NTM: variants seen among roughly 807,000 people sequenced by gnomAD.
NTM encodes the protein neurotrimin, also known as IgLON family member 2.
A neutral mutation model predicts 42.1 loss-of-function variants in NTM; 13 were observed. The observed-to-expected ratio is 0.31, with a 90% CI of 0.20 to 0.49. The LOEUF is 0.49. Ranked by LOEUF, NTM falls within the 20% of genes least tolerant of loss-of-function variation. The pLI is 0.99. For synonymous variants in NTM, 187 were observed against 179.2 expected (o/e 1.04, Z -0.35); for missense variants, 373 against 452.8 (o/e 0.82, Z 1.60).
rs143883338 is a variant in NTM at position 131,803,602 on chromosome 11, G to A, written c.83-107962G>A. Among the ~76,000 whole-genome samples, 150 of 152,254 alleles carry A rather than the reference G, an allele frequency of 9.9e-4. 5 individuals are homozygous for A. In the East Asian group the frequency reaches 0.02, roughly 21 times the overall value. On this transcript the variant is annotated intron_variant, in intron 1 of 8. Transcript: ENST00000683400. ...TGGGATTACAGGTGTAAGCCACTGCGCCCGGCCATCACTGACTTATTAATT... is the reference window on the plus strand; with the variant it reads ...TGGGATTACAGGTGTAAGCCACTGCACCCGGCCATCACTGACTTATTAATT...
At chr11:131,852,769 A>T (rs1451228069) in intron 1 of NTM, among the ~76,000 whole-genome samples, 2 of 152,046 alleles carry the variant, frequency 1.3e-5, no homozygotes, top group Non-Finnish European at 2.9e-5. Flanking sequence ...CCAACTATTC[A>T]TCTACTCATC....
At chr11:132,037,808 C>A (rs889774514) in intron 2 of NTM, among the ~76,000 whole-genome samples, 1 of 152,228 alleles carries the variant, frequency 6.6e-6, no homozygotes, top group Non-Finnish European at 1.5e-5. Context: ...CTAATTATAA[C>A]ATAGCTGCTA....
At chr11:131,928,080 ATACC>A (rs1444435130) in intron 2 of NTM, among the ~76,000 whole-genome samples, 1 of 152,058 alleles carries the variant, frequency 6.6e-6, no homozygotes, top group African/African-American at 2.4e-5. Context: ...TTATATCTTA[ATACC>A]TACCTGACAG....
chr11:131,787,354 G>GATTATTATTATT (rs149079341), intron 1 of NTM, among the ~76,000 whole-genome samples: 37,274 of 144,242 alleles, frequency 0.26, 5,114 homozygotes, highest in Middle Eastern at 0.32. Context: ...CATAATACAA[G>GATTATTATTATT]ATTATTATTA....
intron 2 of NTM, among the ~76,000 whole-genome samples, chr11:131,975,517 A>G (rs1231898317): frequency 6.6e-6 from 1 of 151,794 alleles, no homozygotes; most frequent in Non-Finnish European, 1.5e-5. Flanking sequence ...TTCTAGATTT[A>G]TAAGCCTTAA....
chr11:132,026,858 C>A (rs77670321), intron 2 of NTM, among the ~76,000 whole-genome samples: 3,256 of 152,258 alleles, frequency 0.021, 44 homozygotes, highest in South Asian at 0.054. Flanking sequence ...ATAAAGAGAG[C>A]AAATAGATGA....
chr11:132,156,961 G>A (rs1260943304), intron 3 of NTM, among the ~76,000 whole-genome samples: 1 of 152,192 alleles, frequency 6.6e-6, no homozygotes, highest in African/African-American at 2.4e-5. Flanking sequence ...TGACCCTCAG[G>A]GTTACAGTGA....
intron 1 of NTM, among the ~76,000 whole-genome samples, chr11:131,794,158 G>T (rs373410943): frequency 6.6e-6 from 1 of 152,104 alleles, no homozygotes; most frequent in African/African-American, 2.4e-5. Context: ...GCCACGGTGC[G>T]TGCTGATCCT....
chr11:131,571,916 T>C (rs558242765), intron 1 of NTM, among the ~76,000 whole-genome samples: 2 of 152,354 alleles, frequency 1.3e-5, no homozygotes, highest in South Asian at 4.1e-4. Flanking sequence ...AAATCTGTCT[T>C]CCAAGATACC....
chr11:131,644,045 G>A (rs1466783152), intron 1 of NTM, among the ~76,000 whole-genome samples: 2 of 152,192 alleles, frequency 1.3e-5, no homozygotes. Flanking sequence ...GTGGTGTCAG[G>A]GGAATGGATT....
rs116777782 is a variant in NTM, at chr11:131,944,541, C to T, written c.167+32893C>T. 3.6e-3 allele frequency among the ~76,000 whole-genome samples: 543 copies of T among 152,214 alleles called. 7 individuals are homozygous for T. Among genetic ancestry groups the T allele is most frequent in the African/African-American group, 0.012 (517 of 41,542 alleles). ...TTTGCCCTTGAAATAAAATTCTGCC[C>T]GCCATTGATATCCAGTAGCTCACTC... On this transcript the variant is annotated intron_variant, in intron 2 of 8. Transcript: ENST00000683400.
chr11:132,202,550 T>C (rs956649939), intron 3 of NTM, among the ~76,000 whole-genome samples: 7 of 152,300 alleles, frequency 4.6e-5, no homozygotes, highest in African/African-American at 1.4e-4. Flanking sequence ...TATGTTTCCA[T>C]GTTAAAAAAT....
At chr11:132,180,646 A>G (rs2077435872) in intron 3 of NTM, among the ~76,000 whole-genome samples, 1 of 152,164 alleles carries the variant, frequency 6.6e-6, no homozygotes, top group African/African-American at 2.4e-5. Context: ...AAGCTCTCAG[A>G]CTTTTCTATA....
rs369787179 is a variant in NTM, at chr11:132,122,554, G to C, written c.168-23728G>C. Among the ~76,000 whole-genome samples the C allele has an allele frequency of 6.6e-5, 10 of 152,336 alleles. No individual in the cohort carries two copies. The South Asian group carries it at 2.1e-3, about 32-fold the overall frequency. On this transcript the variant is annotated intron_variant, in intron 2 of 8. Transcript: ENST00000683400. The stretch of plus-strand genomic sequence containing the variant: ...AACTACCTGGCGGGGAGGAAAAGAA[G>C]TCCCCTCTGTAAATGAGCTGACACT...
chr11:132,275,726 G>GTGTATATATATGTA (rs2093689436), intron 4 of NTM, among the ~76,000 whole-genome samples: 1 of 80,968 alleles, frequency 1.2e-5, no homozygotes, highest in African/African-American at 5.3e-5. Flanking sequence ...ATATATATAC[G>GTGTATATATATGTA]TATATATACG....
intron 4 of NTM, among the ~76,000 whole-genome samples, chr11:132,303,335 T>G (rs79846860): frequency 0.071 from 10,763 of 152,274 alleles, 458 homozygotes; most frequent in Middle Eastern, 0.13. Context: ...CCCTCGCCTC[T>G]CCTGGCTTCT....
At chr11:131,481,203 G>C (rs1443078798) in intron 1 of NTM, among the ~76,000 whole-genome samples, 1 of 152,172 alleles carries the variant, frequency 6.6e-6, no homozygotes, top group Non-Finnish European at 1.5e-5. Context: ...GGCTTGAGGT[G>C]AATATTTAGC....
At chr11:131,557,961 G>GA (rs1241667354) in intron 1 of NTM, among the ~76,000 whole-genome samples, 14 of 152,128 alleles carry the variant, frequency 9.2e-5, no homozygotes, top group African/African-American at 3.4e-4. Context: ...TAACTGAAAA[G>GA]AAAAACAGTT....
At chr11:132,231,695 A>C (rs2087592910) in intron 4 of NTM, among the ~76,000 whole-genome samples, 1 of 152,208 alleles carries the variant, frequency 6.6e-6, no homozygotes, top group Admixed American at 6.5e-5. Context: ...CTTCCTAGCC[A>C]CATTACACAA....
Sources: allele counts gnomAD v4.1 joint callset (sites outside exome capture counted in the v4.1 genomes callset), GRCh38; gene constraint gnomAD v4.1.1; transcripts MANE v1.5; gene names NCBI Gene and HGNC (gene_info 2026-07-23, HGNC 2026-07-21).